Variants in OR10J1 observed in about 807,000 individuals in gnomAD.
The protein encoded by OR10J1 is olfactory receptor family 10 subfamily J member 1, also known as olfactory receptor 10J1.
For synonymous variants in OR10J1, 202 were observed against 143.8 expected, an observed-to-expected ratio of 1.40 and a Z score of -2.89; for missense variants, 474 against 376.6, an observed-to-expected ratio of 1.26 and a Z score of -2.14.
chr1:159,422,829 T>G, the OR10J1 span, among the ~76,000 whole-genome samples: 1 of 152,068 alleles, frequency 6.6e-6, no homozygotes, highest in Admixed American at 6.5e-5. Flanking sequence ...TGAGGACCAC[T>G]GGGGGGCTTT....
chr1:159,400,826 C>T, the OR10J1 span, among the ~76,000 whole-genome samples: 1 of 151,818 alleles, frequency 6.6e-6, no homozygotes, highest in African/African-American at 2.4e-5. Context: ...ACATCCTTTT[C>T]CTCAGCACAT....
At chr1:159,415,241 T>G in the OR10J1 span, among the ~76,000 whole-genome samples, 6 of 152,140 alleles carry the variant, frequency 3.9e-5, no homozygotes, top group African/African-American at 9.7e-5. Context: ...TGAGTTGATT[T>G]TTTTATATGG....
upstream of OR10J1, among the ~76,000 whole-genome samples, chr1:159,437,688 A>ACCTG (rs59545345): frequency 0.47 from 70,499 of 151,572 alleles, 19,774 homozygotes; most frequent in Middle Eastern, 0.64. Context: ...GGTACCTGAT[A>ACCTG]CCTGCATCCT....
chr1:159,432,688 C>T, the OR10J1 span: 1 of 411,010 alleles, frequency 2.4e-6, no homozygotes, highest in African/African-American at 2.0e-5. Context: ...ATTCAGGTGT[C>T]TTCTGTATTC....
At chr1:159,399,918 TG>T in the OR10J1 span, among the ~76,000 whole-genome samples, 1 of 152,156 alleles carries the variant, frequency 6.6e-6, no homozygotes, top group Non-Finnish European at 1.5e-5. Flanking sequence ...TTTGCTTGTT[TG>T]TTTGTTTATG....
the OR10J1 span, among the ~76,000 whole-genome samples, chr1:159,408,302 C>A: frequency 6.6e-6 from 1 of 151,990 alleles, no homozygotes; most frequent in African/African-American, 2.4e-5. Context: ...ATGATGAGTT[C>A]ATGTCCTTTG....
chr1:159,398,282 A>T, the OR10J1 span, among the ~76,000 whole-genome samples: 253 of 152,336 alleles, frequency 1.7e-3, no homozygotes, highest in Non-Finnish European at 2.9e-3. Flanking sequence ...GGATGGCTGC[A>T]AATAAGCCAA....
chr1:159,398,378 A>G, the OR10J1 span, among the ~76,000 whole-genome samples: 1 of 152,228 alleles, frequency 6.6e-6, no homozygotes, highest in Non-Finnish European at 1.5e-5. Flanking sequence ...AACATTGTCC[A>G]GGAAAACATG....
At chr1:159,400,021 T>C in the OR10J1 span, among the ~76,000 whole-genome samples, 1 of 151,368 alleles carries the variant, frequency 6.6e-6, no homozygotes, top group Admixed American at 6.6e-5. Context: ...AAATATGCAA[T>C]AGATACACAA....
At chr1:159,419,254 G>T in the OR10J1 span, among the ~76,000 whole-genome samples, 1 of 152,154 alleles carries the variant, frequency 6.6e-6, no homozygotes, top group Non-Finnish European at 1.5e-5. Flanking sequence ...GATATGGTTT[G>T]ACTCTGACCC....
At chr1:159,418,352 C>G in the OR10J1 span, among the ~76,000 whole-genome samples, 1 of 152,058 alleles carries the variant, frequency 6.6e-6, no homozygotes, top group African/African-American at 2.4e-5. Flanking sequence ...CTCCAGGGAC[C>G]CCTGTTATGC....
chr1:159,420,171 G>A, the OR10J1 span, among the ~76,000 whole-genome samples: 1 of 152,036 alleles, frequency 6.6e-6, no homozygotes, highest in African/African-American at 2.4e-5. Flanking sequence ...ATTTGCCATA[G>A]AGTATATTTT....
the OR10J1 span, among the ~76,000 whole-genome samples, chr1:159,431,499 G>A: frequency 2.0e-5 from 3 of 152,260 alleles, no homozygotes; most frequent in Middle Eastern, 3.4e-3. Context: ...GGCCTTTGAC[G>A]AGCAATGTGC....
At chr1:159,437,489 A>G (rs958857892), upstream of OR10J1, among the ~76,000 whole-genome samples, 1 of 152,208 alleles carries the variant, frequency 6.6e-6, no homozygotes, top group Non-Finnish European at 1.5e-5. Context: ...CTGTAAAAAA[A>G]TAAAAAATAA....
At chr1:159,416,750 A>G in the OR10J1 span, among the ~76,000 whole-genome samples, 1 of 151,948 alleles carries the variant, frequency 6.6e-6, no homozygotes, top group African/African-American at 2.4e-5. Flanking sequence ...TGTTGATCCA[A>G]TCTCATTACT....
the OR10J1 span, among the ~76,000 whole-genome samples, chr1:159,424,500 T>C: frequency 4.0e-5 from 6 of 150,332 alleles, no homozygotes; most frequent in Admixed American, 2.0e-4. Context: ...TTGAAATACA[T>C]GTATGTGTGT....
chr1:159,417,103 T>G, the OR10J1 span, among the ~76,000 whole-genome samples: 1 of 152,148 alleles, frequency 6.6e-6, no homozygotes, highest in Non-Finnish European at 1.5e-5. Context: ...TTTCTTCTAC[T>G]AATTTTGAAT....
At chr1:159,414,179 A>G in the OR10J1 span, among the ~76,000 whole-genome samples, 15 of 152,192 alleles carry the variant, frequency 9.9e-5, no homozygotes, top group Middle Eastern at 3.4e-3. Flanking sequence ...GCTGTGGACC[A>G]TGAGAATTTA....
rs1402786086 is a variant in OR10J1, at chr1:159,439,970, A to G, written c.179A>G (p.Tyr60Cys). 6.2e-7 allele frequency: 1 copy of G among 1,614,114 alleles called. No homozygotes were observed. The highest frequency in any genetic ancestry group is 1.1e-5 in the South Asian group (1 of 91,084). Residue 60 changes from tyrosine (Y) to cysteine (C), a missense_variant, in exon 1 of 1, where the codon TAC (tyrosine) becomes TGC (cysteine). Coordinates refer to ENST00000423932, the MANE Select transcript of OR10J1 (RefSeq NM_012351.3). ...RMDLHLHTPMYFFLSMLSTSE... is the reference protein window; with the variant it reads ...RMDLHLHTPMCFFLSMLSTSE... ...GATCTTCATCTTCACACACCCATGT[A>G]CTTCTTCCTGAGCATGCTGTCCACT... is the stretch of plus-strand genomic sequence containing the variant.
Sources: allele counts gnomAD v4.1 joint callset (sites outside exome capture counted in the v4.1 genomes callset), GRCh38; gene constraint gnomAD v4.1.1; transcripts MANE v1.5; gene names NCBI Gene and HGNC (gene_info 2026-07-23, HGNC 2026-07-21).